ZNF648: variants seen among roughly 807,000 people sequenced by gnomAD.
ZNF648 encodes zinc finger protein 648.
In ZNF648, 1 loss-of-function variant was observed where a neutral mutation model predicts 0.3. The observed-to-expected ratio is 3.90, with a 90% CI of 1.39 to 18.51. The LOEUF is 18.51. Ranked by LOEUF, ZNF648 falls within the 30% of genes most tolerant of loss-of-function variation. The pLI is 0.11. For missense variants in ZNF648, 874 were observed against 769.7 expected, an observed-to-expected ratio of 1.14 and a Z score of -1.60; for synonymous variants, 376 against 326.8, an observed-to-expected ratio of 1.15 and a Z score of -1.62.
intron 1 of ZNF648, 86 bp from the exon 2 acceptor site, chr1:182,058,159 GCT>G (rs1665973170): frequency 1.1e-6 from 1 of 935,274 alleles, no homozygotes; most frequent in Non-Finnish European, 1.6e-6. Context: ...TCCCACTATA[GCT>G]CTGTTTCCAA....
At position 182,056,716 on chromosome 1, in the gene ZNF648, G is replaced by T; in HGVS notation, c.1295C>A (p.Ser432Tyr). The T allele has an allele frequency of 6.3e-7, 1 of 1,592,680 alleles. No individual in the cohort carries two copies. The highest frequency in any genetic ancestry group is 8.5e-7 in the Non-Finnish European group (1 of 1,169,648). ...CPTCGKCFTK[S>Y]SNLSEHQTLH... ...CGTCTGGTGCTCGGACAGATTGGAG[G>T]ACTTGGTGAAGCACTTGCCGCAGGT... The change falls in exon 2 of 2, where the codon TCC becomes TAC. Residue 432 changes from serine (S) to tyrosine (Y), a missense_variant. Ser to Tyr is a moderately radical substitution (Grantham distance 144, BLOSUM62 -2). Coordinates refer to ENST00000339948, the MANE Select transcript of ZNF648 (RefSeq NM_001009992.1).
In ZNF648 at chr1:182,057,275, C is replaced by A; in HGVS notation, c.736G>T (p.Glu246Ter). The A allele has an allele frequency of 6.3e-7, 1 of 1,591,580 alleles. No homozygotes were observed. The highest frequency in any genetic ancestry group is 8.5e-7 in the Non-Finnish European group (1 of 1,174,452). Residue 246 changes from glutamate to a stop codon, truncating the protein, a stop_gained, in exon 2 of 2, where the codon GAG (glutamate) becomes TAG (stop). Transcript: ENST00000339948. LOFTEE classifies it low-confidence loss of function (END_TRUNC). Reference protein sequence around the residue: ...QAGRREGGEAEARPYRCLRGG... With the variant: ...QAGRREGGEA Reference sequence around the variant, plus strand: ...CGCAGGCACCTGTAGGGACGCGCCTCAGCCTCTCCGCCCTCGCGCCGGCCC... The same window carrying A: ...CGCAGGCACCTGTAGGGACGCGCCTAAGCCTCTCCGCCCTCGCGCCGGCCC...
chr1:182,056,681 C>A lies in ZNF648; in HGVS notation c.1330G>T (p.Gly444Cys), dbSNP rs750328257. 2.5e-6 allele frequency: 4 copies of A among 1,602,744 alleles called. No individual in the cohort carries two copies. The highest frequency in any genetic ancestry group is 2.2e-5 in the South Asian group (2 of 89,452). ...TCAGCGCACTTGAAAGGCCTCTGGC[C>A]GGTGTGCAGCGTCTGGTGCTCGGAC... Reference protein sequence around the residue: ...NLSEHQTLHTGQRPFKCADCG... With the variant: ...NLSEHQTLHTCQRPFKCADCG... Residue 444 changes from glycine (G) to cysteine (C), a missense_variant, in exon 2 of 2, where the codon GGC becomes TGC. By Grantham distance (159) the Gly-to-Cys change is radical. Coordinates refer to ENST00000339948, the MANE Select transcript of ZNF648 (RefSeq NM_001009992.1).
rs891637837 is a variant in ZNF648, at chr1:182,055,241, G to A, written c.*1063C>T. The A allele has an allele frequency of 5.9e-5, 9 of 152,144 alleles. No homozygotes were observed. Among genetic ancestry groups the A allele is most frequent in the African/African-American group, 2.2e-4 (9 of 41,430 alleles). The allele number at this position is 152,144 out of a possible 1,614,324, so 9.4% of individuals were successfully genotyped here. A position where few individuals can be genotyped will look rare whatever the true frequency, so the allele number is the denominator to read the frequency against. ...TGCAAACTTTGAAATAACCTCATTA[G>A]ATAACTGTGAGCACGTAGGCTTCCA... is the stretch of plus-strand genomic sequence containing the variant. On this transcript the variant is annotated 3_prime_UTR_variant, in exon 2 of 2. Transcript: ENST00000339948. The surrounding 1 kb of genome is among the most constrained non-coding windows in gnomAD (Gnocchi z 4.1).
chr1:182,063,060 T>G (rs1571281851), upstream of ZNF648: 1 of 152,272 alleles, frequency 6.6e-6, no homozygotes, highest in South Asian at 2.1e-4. Context: ...GGCTGCATGG[T>G]ATTCCATGGT....
In ZNF648 at chr1:182,056,726, A is replaced by G. The variant is rs1314726694; in HGVS notation, c.1285T>C (p.Phe429Leu). The G allele has an allele frequency of 1.3e-6, 2 of 1,587,354 alleles. No individual in the cohort carries two copies. Among genetic ancestry groups the G allele is most frequent in the Non-Finnish European group, 1.7e-6 (2 of 1,166,774 alleles). ...PFPCPTCGKC[F>L]TKSSNLSEHQ... Reference sequence around the variant, plus strand: ...TCGGACAGATTGGAGGACTTGGTGAAGCACTTGCCGCAGGTGGGGCAGGGG... The same window carrying G: ...TCGGACAGATTGGAGGACTTGGTGAGGCACTTGCCGCAGGTGGGGCAGGGG... Residue 429 changes from phenylalanine (F) to leucine (L), a missense_variant, in exon 2 of 2, where the codon TTC becomes CTC. Phe to Leu is a conservative substitution (Grantham distance 22). Transcript: ENST00000339948.
At chr1:182,059,509 G>T (rs932628718) in intron 1 of ZNF648, among the ~76,000 whole-genome samples, 8 of 152,090 alleles carry the variant, frequency 5.3e-5, no homozygotes, top group African/African-American at 1.7e-4. Context: ...AATCCCAGAG[G>T]GGGTATTAAA....
At chr1:182,063,116 T>C (rs1290140888), upstream of ZNF648, 1 of 152,238 alleles carries the variant, frequency 6.6e-6, no homozygotes, top group Non-Finnish European at 1.5e-5. Flanking sequence ...TTGATGGGCA[T>C]TTGGGTTGAT....
intron 1 of ZNF648, among the ~76,000 whole-genome samples, chr1:182,059,803 CA>C (rs11439786): frequency 1.7e-4 from 23 of 136,832 alleles, no homozygotes; most frequent in Admixed American, 2.9e-4. Flanking sequence ...GACTACATCT[CA>C]AAAAAAAAAA....
In ZNF648 at chr1:182,056,113, C is replaced by T. The variant is rs1020096051; in HGVS notation, c.*191G>A. The T allele has an allele frequency of 4.3e-6, 3 of 701,314 alleles. No homozygotes were observed. Among genetic ancestry groups the T allele is most frequent in the African/African-American group, 3.6e-5 (2 of 55,552 alleles). 43.4% of individuals were successfully genotyped at this position (701,314 alleles called of 1,614,324 possible). A position where few individuals can be genotyped will look rare whatever the true frequency, so the allele number is the denominator to read the frequency against. ...TTATGACCTCGGACACTCAGAACCA[C>T]TGATGTGAAACCACCCACCTGGGTG... On this transcript the variant is annotated 3_prime_UTR_variant, in exon 2 of 2. Coordinates refer to ENST00000339948, the MANE Select transcript of ZNF648 (RefSeq NM_001009992.1).
Position 182,057,181 on chromosome 1 carries a change from T to C in ZNF648, c.830A>G (p.Lys277Arg), listed in dbSNP as rs1361348883. Reference protein sequence around the residue: ...SPAETRGGAAKRYACELCGKA... With the variant: ...SPAETRGGAARRYACELCGKA... ...CCCGCATAGCTCGCACGCGTAGCGCTTGGCGGCGCCGCCGCGCGTCTCCGC... is the reference window on the plus strand; with the variant it reads ...CCCGCATAGCTCGCACGCGTAGCGCCTGGCGGCGCCGCCGCGCGTCTCCGC... Residue 277 changes from lysine to arginine, a missense_variant, in exon 2 of 2, where the codon AAG (lysine) becomes AGG (arginine). Physicochemically the swap from Lys to Arg is conservative, Grantham distance 26. Transcript: ENST00000339948. 1 of 1,584,578 alleles carries C rather than the reference T, an allele frequency of 6.3e-7. No individual in the cohort carries two copies. Among genetic ancestry groups the C allele is most frequent in the Non-Finnish European group, 8.5e-7 (1 of 1,171,078 alleles).
rs1372606072 is a variant in ZNF648, at chr1:182,056,332, T to C, written c.1679A>G (p.Glu560Gly). Residue 560 changes from glutamate to glycine, a missense_variant, in exon 2 of 2, where the codon GAG becomes GGG. Glu to Gly is a moderately conservative substitution (Grantham distance 98). Transcript: ENST00000339948. ...CTCGTCAGAGGAGGAAGGGATGGGC[T>C]CCTTCTTGCAGGTGCCGTGCTTGGC... ...HRAKHGTCKKEPIPSSSDE is the reference protein window; with the variant it reads ...HRAKHGTCKKGPIPSSSDE 1 of 1,613,416 alleles carries C rather than the reference T, an allele frequency of 6.2e-7. No homozygotes were observed. The highest frequency in any genetic ancestry group is 1.7e-5 in the Admixed American group (1 of 59,950).
chr1:182,059,760 C>T (rs965556780), intron 1 of ZNF648, among the ~76,000 whole-genome samples: 20 of 149,292 alleles, frequency 1.3e-4, no homozygotes, highest in African/African-American at 3.5e-4. Flanking sequence ...GCTGAGATCG[C>T]GCCACTGCAC....
chr1:182,057,031 C>T lies in ZNF648; in HGVS notation c.980G>A (p.Arg327His). Residue 327 changes from arginine (R) to histidine (H), a missense_variant, in exon 2 of 2, where the codon CGC becomes CAC. Physicochemically the swap from Arg to His is conservative, Grantham distance 29 (BLOSUM62 0). Transcript: ENST00000339948. ...GTAGGGTTTCTCGCCTGTGTGGGTGCGGATGTGCTTCCGGTGGTCGGAGGA... is the reference window on the plus strand; with the variant it reads ...GTAGGGTTTCTCGCCTGTGTGGGTGTGGATGTGCTTCCGGTGGTCGGAGGA... ...TWSSDHRKHI[R>H]THTGEKPYPC... is the part of the protein sequence containing the mutation. 1 of 1,612,408 alleles carries T rather than the reference C, an allele frequency of 6.2e-7. No homozygotes were observed. The highest frequency in any genetic ancestry group is 1.1e-5 in the South Asian group (1 of 91,008).
chr1:182,057,285 G>A lies in ZNF648; in HGVS notation c.726C>T (p.Gly242=), dbSNP rs759093034. 3 of 1,594,750 alleles carry A rather than the reference G, an allele frequency of 1.9e-6. No homozygotes were observed. Among genetic ancestry groups the A allele is most frequent in the Non-Finnish European group, 2.6e-6 (3 of 1,175,606 alleles). The part of the protein sequence containing the change: ...KVQNQAGRRE[G]GEAEARPYRC... ...TGTAGGGACGCGCCTCAGCCTCTCC[G>A]CCCTCGCGCCGGCCCGCCTGGTTCT... The change falls in exon 2 of 2, where the codon GGC becomes GGT. Residue 242 remains glycine (G), a synonymous_variant. Coordinates refer to ENST00000339948, the MANE Select transcript of ZNF648 (RefSeq NM_001009992.1).
chr1:182,069,497 C>T, the ZNF648 span, among the ~76,000 whole-genome samples: 2 of 152,170 alleles, frequency 1.3e-5, no homozygotes, highest in Admixed American at 6.5e-5. Flanking sequence ...TATAGGGCTG[C>T]TGGAGTGCGG....
the ZNF648 span, chr1:182,069,386 C>A: frequency 6.6e-6 from 1 of 152,240 alleles, no homozygotes; most frequent in African/African-American, 2.4e-5. Context: ...AACATACTCC[C>A]TTTTCCTCTT....
upstream of ZNF648, among the ~76,000 whole-genome samples, chr1:182,066,144 G>A (rs998178510): frequency 6.6e-6 from 1 of 152,162 alleles, no homozygotes; most frequent in Admixed American, 6.5e-5. Context: ...CTGAGCTGCT[G>A]ACTGGCAGTA....
chr1:182,057,457 C>G lies in ZNF648; in HGVS notation c.554G>C (p.Gly185Ala), dbSNP rs1665950653. Residue 185 changes from glycine (G) to alanine (A), a missense_variant, in exon 2 of 2, where the codon GGG becomes GCG. By Grantham distance (60) the Gly-to-Ala change is moderately conservative. Transcript: ENST00000339948. ...GGGGAAACACAACAGAGAAGAGTTCCCTGCGGACGTGTCTACACTTTTGTG... is the reference window on the plus strand; with the variant it reads ...GGGGAAACACAACAGAGAAGAGTTCGCTGCGGACGTGTCTACACTTTTGTG... The part of the protein sequence containing the change: ...CAHKSVDTSA[G>A]NSSLLCFPRP... The G allele has an allele frequency of 1.2e-6, 2 of 1,614,122 alleles. No homozygotes were observed. Among genetic ancestry groups the G allele is most frequent in the Admixed American group, 1.7e-5 (1 of 60,008 alleles).
Sources: allele counts gnomAD v4.1 joint callset (sites outside exome capture counted in the v4.1 genomes callset), GRCh38; gene constraint gnomAD v4.1.1; non-coding constraint Gnocchi (gnomAD v3.1); transcripts MANE v1.5; gene names NCBI Gene and HGNC (gene_info 2026-07-23, HGNC 2026-07-21).